Variants in CAST observed in about 807,000 individuals in gnomAD.
CAST encodes the protein MIR583 host.
CAST carries 76 observed loss-of-function variants against 119.6 expected under a neutral mutation model. The ratio of observed to expected loss-of-function variants is 0.64; its 90% CI spans 0.53 to 0.77. The LOEUF is 0.77. CAST is among the 30% of genes least tolerant of loss of function. CAST has a pLI of 0.00. For missense variants in CAST, 953 were observed against 946.5 expected, an observed-to-expected ratio of 1.01 and a Z score of -0.09; for synonymous variants, 319 against 331.6, an observed-to-expected ratio of 0.96 and a Z score of 0.41.
the CAST span, among the ~76,000 whole-genome samples, chr5:96,271,063 A>G: frequency 6.6e-6 from 1 of 152,168 alleles, no homozygotes; most frequent in Admixed American, 6.5e-5. Context: ...ATGATCCAGA[A>G]GCAGTTTAGC....
intron 1 of CAST, among the ~76,000 whole-genome samples, chr5:96,538,579 T>C (rs1258553432): frequency 5.3e-5 from 8 of 152,108 alleles, no homozygotes; most frequent in Admixed American, 4.6e-4. Context: ...ATTGATAATA[T>C]AGTCAGAATT....
chr5:96,651,114 G>A (rs1748089659), intron 1 of CAST, among the ~76,000 whole-genome samples: 1 of 152,102 alleles, frequency 6.6e-6, no homozygotes, highest in African/African-American at 2.4e-5. Context: ...AAATAAATGC[G>A]GTTTTAGGGA....
chr5:96,100,698 T>C, the CAST span, among the ~76,000 whole-genome samples: 1 of 152,186 alleles, frequency 6.6e-6, no homozygotes, highest in Non-Finnish European at 1.5e-5. Context: ...CAAAGAAGTA[T>C]AGTAATCCCT....
rs114573210 is a variant in CAST at position 96,548,532 on chromosome 5, C to T, written c.60+18652C>T. On this transcript the variant is annotated intron_variant, in intron 1 of 11. Coordinates refer to the CAST transcript ENST00000505143. ...TGTGGTAGATGCACCCCCCGCCCCC[C>T]ACCAACCCTTGTGTTTGGCTGTTAA... is the stretch of plus-strand genomic sequence containing the variant. Among the ~76,000 whole-genome samples the T allele has an allele frequency of 3.0e-3, 449 of 152,164 alleles. 3 individuals carry two copies. The highest frequency in any genetic ancestry group is 0.011 in the African/African-American group (436 of 41,508).
the CAST span, among the ~76,000 whole-genome samples, chr5:96,394,654 C>A: frequency 2.6e-5 from 4 of 152,060 alleles, no homozygotes; most frequent in African/African-American, 9.7e-5. Flanking sequence ...CTTTTGAATT[C>A]ATTAATTGTG....
At chr5:96,433,116 G>T in the CAST span, 1 of 1,396,368 alleles carries the variant, frequency 7.2e-7, no homozygotes, top group Non-Finnish European at 1.0e-6. Flanking sequence ...AAGCCAGACA[G>T]ACTCCCCCTT....
chr5:96,732,500 T>A (rs370889097), intron 9 of CAST, among the ~76,000 whole-genome samples: 3 of 132,894 alleles, frequency 2.3e-5, no homozygotes, highest in Non-Finnish European at 3.2e-5. Flanking sequence ...AGAAGCTCTT[T>A]AGTTTAATTA....
At chr5:96,729,558 A>G in intron 7 of CAST, 54 bp from the exon 8 acceptor site, 1 of 777,786 alleles carries the variant, frequency 1.3e-6, no homozygotes, top group Non-Finnish European at 2.4e-6. Context: ...TAAGACTACC[A>G]TCTTGTTAAC....
the CAST span, among the ~76,000 whole-genome samples, chr5:96,411,957 C>T: frequency 1.3e-5 from 2 of 152,110 alleles, no homozygotes; most frequent in Admixed American, 6.5e-5. Flanking sequence ...CTATAGGCAT[C>T]TAAGTTGAGA....
intron 1 of CAST, among the ~76,000 whole-genome samples, chr5:96,580,386 T>A (rs1037169698): frequency 6.6e-6 from 1 of 152,232 alleles, no homozygotes; most frequent in East Asian, 1.9e-4. Context: ...AGTTTACCAA[T>A]AGTTTATTTG....
intron 17 of CAST, 53 bp from the exon 18 acceptor site, chr5:96,747,292 A>T: frequency 3.3e-6 from 4 of 1,213,778 alleles, no homozygotes; most frequent in Non-Finnish European, 4.8e-6. Context: ...TTGATGGGAC[A>T]TGAAAGCAAA....
chr5:96,026,591 G>A, the CAST span, among the ~76,000 whole-genome samples: 1 of 152,188 alleles, frequency 6.6e-6, no homozygotes, highest in Non-Finnish European at 1.5e-5. Context: ...ACTCCATGAA[G>A]TATTGTAGAT....
At chr5:96,399,884 G>T in the CAST span, 1 of 1,248,576 alleles carries the variant, frequency 8.0e-7, no homozygotes, top group Non-Finnish European at 1.2e-6. Context: ...AAATCAGGCA[G>T]AATGGCAAAC....
At chr5:96,147,820 A>G in the CAST span, among the ~76,000 whole-genome samples, 1 of 152,256 alleles carries the variant, frequency 6.6e-6, no homozygotes, top group African/African-American at 2.4e-5. Context: ...TAGCCTGTGC[A>G]GATCAGCAAC....
the CAST span, among the ~76,000 whole-genome samples, chr5:96,302,738 A>G: frequency 0.28 from 42,380 of 152,112 alleles, 6,082 homozygotes; most frequent in East Asian, 0.33. Flanking sequence ...CCTTTATTCC[A>G]GTTCCCAATA....
chr5:96,531,852 G>T (rs1745695440), intron 1 of CAST, among the ~76,000 whole-genome samples: 1 of 152,106 alleles, frequency 6.6e-6, no homozygotes, highest in South Asian at 2.1e-4. Context: ...AAGATGTCTT[G>T]ACTATTAAAA....
In CAST at chr5:96,730,776, T is replaced by A; in HGVS notation, c.550-4T>A. The A allele has an allele frequency of 6.2e-7, 1 of 1,611,410 alleles. No individual in the cohort carries two copies. Among genetic ancestry groups the A allele is most frequent in the Non-Finnish European group, 8.5e-7 (1 of 1,177,464 alleles). On this transcript the variant is annotated splice_polypyrimidine_tract_variant and splice_region_variant and intron_variant, in intron 8 of 31. Transcript: ENST00000675179. ...CTGTCAACCTTTTATCCTCACTGTCTTAGACTAAACCACAAGACATGATTT... is the reference window on the plus strand; with the variant it reads ...CTGTCAACCTTTTATCCTCACTGTCATAGACTAAACCACAAGACATGATTT...
chr5:96,234,713 G>A, the CAST span, among the ~76,000 whole-genome samples: 1 of 152,240 alleles, frequency 6.6e-6, no homozygotes, highest in East Asian at 1.9e-4. Context: ...TCTTTTTCCA[G>A]TAAAATAATA....
chr5:96,764,807 T>C (rs183275412), intron 25 of CAST, among the ~76,000 whole-genome samples: 10 of 152,312 alleles, frequency 6.6e-5, no homozygotes, highest in African/African-American at 2.4e-4. Context: ...TAGATGTTTG[T>C]TTTCATATCC....
Sources: gnomAD v4.1 joint callset for allele counts (sites outside exome capture counted in the v4.1 genomes callset) on GRCh38, gnomAD v4.1.1 for gene constraint, MANE v1.5 for transcripts, NCBI Gene and HGNC (gene_info 2026-07-23, HGNC 2026-07-21) for gene names.